The following AFG2A variants were observed in gnomAD, a reference collection of about 807,000 sequenced individuals.
AFG2A encodes AAA ATPase AFG2A, also known as ATPase family gene 2 protein homolog A.
the AFG2A span, among the ~76,000 whole-genome samples, chr4:122,949,883 TCC>T: frequency 6.6e-6 from 1 of 152,204 alleles, no homozygotes; most frequent in African/African-American, 2.4e-5. Context: ...GACATATATA[TCC>T]TGTTCTAGGC....
At chr4:123,148,178 A>G in the AFG2A span, among the ~76,000 whole-genome samples, 1 of 152,214 alleles carries the variant, frequency 6.6e-6, no homozygotes, top group African/African-American at 2.4e-5. Context: ...TGGAAATTAC[A>G]TCCTTTACCA....
At chr4:123,313,336 T>TGAG in the AFG2A span, among the ~76,000 whole-genome samples, 1 of 152,222 alleles carries the variant, frequency 6.6e-6, no homozygotes, top group African/African-American at 2.4e-5. Context: ...CTGATATTCC[T>TGAG]GAGATTTAAG....
At chr4:122,969,254 CTTTTA>C in the AFG2A span, among the ~76,000 whole-genome samples, 356 of 151,982 alleles carry the variant, frequency 2.3e-3, 2 homozygotes, top group African/African-American at 7.9e-3. Context: ...CTTCTTGATG[CTTTTA>C]TTGTTTTTCC....
chr4:123,292,294 T>C, the AFG2A span, among the ~76,000 whole-genome samples: 1 of 152,186 alleles, frequency 6.6e-6, no homozygotes, highest in East Asian at 1.9e-4. Flanking sequence ...TTTCTTTATG[T>C]TGGTTTTCAA....
At chr4:123,096,819 A>G in the AFG2A span, among the ~76,000 whole-genome samples, 2 of 152,014 alleles carry the variant, frequency 1.3e-5, no homozygotes, top group African/African-American at 2.4e-5. Context: ...TTTCAGGATT[A>G]TTTTCTATTG....
chr4:123,303,821 TC>T, the AFG2A span, among the ~76,000 whole-genome samples: 1 of 151,450 alleles, frequency 6.6e-6, no homozygotes, highest in African/African-American at 2.4e-5. Context: ...CCAAGTGTGT[TC>T]CCCTTCTCTA....
the AFG2A span, among the ~76,000 whole-genome samples, chr4:123,040,117 A>T: frequency 6.6e-6 from 1 of 151,446 alleles, no homozygotes; most frequent in African/African-American, 2.5e-5. Context: ...TCTGTAGGGT[A>T]TACGTATCTA....
At chr4:123,031,955 G>T in the AFG2A span, among the ~76,000 whole-genome samples, 1 of 152,108 alleles carries the variant, frequency 6.6e-6, no homozygotes, top group Admixed American at 6.6e-5. Flanking sequence ...TTTGTTATCT[G>T]GGACAGTTAC....
the AFG2A span, among the ~76,000 whole-genome samples, chr4:123,073,031 A>G: frequency 1.3e-5 from 2 of 152,244 alleles, no homozygotes; most frequent in East Asian, 3.9e-4. Flanking sequence ...GGCACCTCAC[A>G]TATTTGACAC....
chr4:123,118,737 T>C, the AFG2A span, among the ~76,000 whole-genome samples: 2,108 of 152,252 alleles, frequency 0.014, 55 homozygotes, highest in African/African-American at 0.049. Context: ...ATGGTGATTC[T>C]ACCATTTTTT....
the AFG2A span, among the ~76,000 whole-genome samples, chr4:122,976,225 T>A: frequency 6.6e-6 from 1 of 152,094 alleles, no homozygotes. Context: ...TCCTTCAAAG[T>A]GGAATTTTAT....
chr4:123,144,660 G>C, the AFG2A span, among the ~76,000 whole-genome samples: 1 of 152,058 alleles, frequency 6.6e-6, no homozygotes, highest in Admixed American at 6.5e-5. Flanking sequence ...ATGATTAAAA[G>C]CAAAAGCATT....
At chr4:123,077,730 G>A in the AFG2A span, among the ~76,000 whole-genome samples, 2 of 152,180 alleles carry the variant, frequency 1.3e-5, no homozygotes, top group Admixed American at 1.3e-4. Context: ...GAGGGAGGTA[G>A]ATGAATTGTG....
the AFG2A span, chr4:122,947,492 A>G: frequency 6.2e-7 from 1 of 1,604,112 alleles, no homozygotes; most frequent in Non-Finnish European, 8.5e-7. Flanking sequence ...GAAGCAGGTG[A>G]GTGTGGTTTG....
At chr4:123,224,221 T>A in the AFG2A span, among the ~76,000 whole-genome samples, 16 of 152,268 alleles carry the variant, frequency 1.1e-4, no homozygotes, top group South Asian at 2.5e-3. Context: ...TTTCTTTTTT[T>A]AAATTATACT....
the AFG2A span, among the ~76,000 whole-genome samples, chr4:123,205,442 T>A: frequency 0.65 from 96,736 of 149,872 alleles, 31,561 homozygotes; most frequent in Non-Finnish European, 0.69. Context: ...GTCAAAAAAA[T>A]TTTTAAGAAA....
chr4:123,262,020 C>T, the AFG2A span, among the ~76,000 whole-genome samples: 66 of 152,150 alleles, frequency 4.3e-4, 2 homozygotes, highest in Non-Finnish European at 8.8e-5. Context: ...AAGCAATCCT[C>T]CTATCTCAGC....
chr4:123,069,145 C>T, the AFG2A span, among the ~76,000 whole-genome samples: 1 of 152,122 alleles, frequency 6.6e-6, no homozygotes, highest in African/African-American at 2.4e-5. Flanking sequence ...TAATTAAAGG[C>T]CAACAAAGGA....
chr4:122,933,569 G>A, the AFG2A span: 2 of 1,201,362 alleles, frequency 1.7e-6, no homozygotes, highest in East Asian at 2.4e-5. Flanking sequence ...GTGTCTTTGA[G>A]GGCTTATATA....
Sources: gnomAD v4.1 joint callset for allele counts (sites outside exome capture counted in the v4.1 genomes callset) on GRCh38, gnomAD v4.1.1 for gene constraint, MANE v1.5 for transcripts, NCBI Gene and HGNC (gene_info 2026-07-23, HGNC 2026-07-21) for gene names.